The following SSH2 variants were observed in gnomAD, a reference collection of about 807,000 sequenced individuals.
SSH2 encodes protein phosphatase Slingshot homolog 2.
A neutral mutation model predicts 135.2 loss-of-function variants in SSH2; 37 were observed. That is an observed-to-expected ratio of 0.27 (90% CI 0.21 to 0.36). SSH2 has a LOEUF of 0.36. SSH2 is among the 10% of genes least tolerant of loss of function. The pLI is 1.00. For synonymous variants in SSH2, 628 were observed against 646.2 expected, an observed-to-expected ratio of 0.97 and a Z score of 0.43; for missense variants, 1,408 against 1,765.3, an observed-to-expected ratio of 0.80 and a Z score of 3.63.
rs1452110335 is a variant in SSH2, at chr17:29,809,268, T to C, written c.145-15331A>G. Among the ~76,000 whole-genome samples the C allele has an allele frequency of 2.6e-5, 4 of 152,030 alleles. No individual in the cohort carries two copies. In the East Asian group the frequency reaches 7.7e-4, roughly 29 times the overall value. The stretch of plus-strand genomic sequence containing the variant: ...GACTCTGTCTCTAAATAAATAAATA[T>C]GCAAAAGCAATCCTATTTAGTAGCT... On this transcript the variant is annotated intron_variant, in intron 2 of 15. Transcript: ENST00000540801.
intron 1 of SSH2, among the ~76,000 whole-genome samples, chr17:29,888,621 A>T (rs1322372894): frequency 6.6e-6 from 1 of 152,104 alleles, no homozygotes; most frequent in East Asian, 1.9e-4. Context: ...AACCATACAA[A>T]CAGTAGAAAA....
intron 1 of SSH2, among the ~76,000 whole-genome samples, chr17:29,881,255 T>C (rs911147908): frequency 6.6e-6 from 1 of 152,204 alleles, no homozygotes; most frequent in Non-Finnish European, 1.5e-5. Flanking sequence ...CCAGCATCTA[T>C]ACATATGTGA....
At chr17:29,734,067 C>T (rs963495184) in intron 3 of SSH2, among the ~76,000 whole-genome samples, 1 of 151,934 alleles carries the variant, frequency 6.6e-6, no homozygotes, top group African/African-American at 2.4e-5. Flanking sequence ...TACAGGCGCC[C>T]GCCACCATGC....
intron 5 of SSH2, among the ~76,000 whole-genome samples, chr17:29,693,313 CATT>C (rs1029382263): frequency 6.6e-6 from 1 of 151,198 alleles, no homozygotes; most frequent in Non-Finnish European, 1.5e-5. Context: ...ATAATAATAA[CATT>C]ATTATTATTT....
intron 3 of SSH2, among the ~76,000 whole-genome samples, chr17:29,775,451 A>G (rs1263912962): frequency 2.0e-5 from 3 of 152,100 alleles, no homozygotes; most frequent in South Asian, 2.1e-4. Flanking sequence ...TATTCACCAA[A>G]TTAATATACA....
intron 2 of SSH2, among the ~76,000 whole-genome samples, chr17:29,824,413 C>T (rs780208439): frequency 7.6e-4 from 115 of 152,286 alleles, no homozygotes; most frequent in Non-Finnish European, 1.4e-3. Context: ...CTGAGAAAAA[C>T]AGACCCTCCC....
intron 11 of SSH2, among the ~76,000 whole-genome samples, chr17:29,664,102 C>T (rs2037169504): frequency 6.6e-6 from 1 of 152,150 alleles, no homozygotes; most frequent in African/African-American, 2.4e-5. Flanking sequence ...AAGATTGGGG[C>T]TGGGCGCGAT....
At chr17:29,897,670 A>G (rs1244956338) in intron 1 of SSH2, among the ~76,000 whole-genome samples, 1 of 152,124 alleles carries the variant, frequency 6.6e-6, no homozygotes, top group East Asian at 1.9e-4. Flanking sequence ...CTTCCACACA[A>G]TAATAATGGG....
At chr17:29,845,154 G>A (rs1437776078) in intron 2 of SSH2, among the ~76,000 whole-genome samples, 1 of 152,190 alleles carries the variant, frequency 6.6e-6, no homozygotes, top group African/African-American at 2.4e-5. Flanking sequence ...AAATTGAAGA[G>A]AAAGTTCTTC....
intron 5 of SSH2, among the ~76,000 whole-genome samples, chr17:29,688,449 A>G (rs2038322238): frequency 6.6e-6 from 1 of 152,198 alleles, no homozygotes; most frequent in Non-Finnish European, 1.5e-5. Flanking sequence ...AGGCTTGAAT[A>G]ACATGCATAT....
chr17:29,865,333 G>A (rs1034446395), intron 1 of SSH2, among the ~76,000 whole-genome samples: 5 of 152,216 alleles, frequency 3.3e-5, no homozygotes, highest in African/African-American at 1.2e-4. Flanking sequence ...AGGGAAGAAA[G>A]AGAATCAGCA....
At position 29,672,084 on chromosome 17, in the gene SSH2, C is replaced by G. The variant is rs753403781; in HGVS notation, c.660G>C (p.Ala220=). ...SLHKACEVAR[A]HNYYPGSLFL... The stretch of plus-strand genomic sequence containing the variant: ...ATAGGCTGCCTGGGTAGTAGTTATG[C>G]GCTCTGGCGACTTCACAAGCCTTGT... The change falls in exon 9 of 16, where the codon GCG becomes GCC. Residue 220 remains alanine (A), a synonymous_variant. Transcript: ENST00000540801. 2 of 1,613,966 alleles carry G rather than the reference C, an allele frequency of 1.2e-6. No individual in the cohort carries two copies. Among genetic ancestry groups the G allele is most frequent in the African/African-American group, 2.7e-5 (2 of 74,900 alleles).
intron 1 of SSH2, among the ~76,000 whole-genome samples, chr17:29,886,568 G>A (rs996288154): frequency 2.0e-5 from 3 of 151,918 alleles, no homozygotes; most frequent in Admixed American, 1.3e-4. Flanking sequence ...CCAATATGGT[G>A]AAACTCTGTC....
intron 2 of SSH2, among the ~76,000 whole-genome samples, chr17:29,819,606 C>G (rs1386273102): frequency 2.0e-5 from 3 of 152,136 alleles, no homozygotes; most frequent in Non-Finnish European, 4.4e-5. Context: ...AAAAACTAAG[C>G]TTTGAAGAAA....
chr17:29,648,188 G>C lies in SSH2; in HGVS notation c.1383C>G (p.Ser461Arg). ...GATACTCTTCCAGTTGTCTCATGAA[G>C]CTTGGGTTGGGCTTGGTTACCGTTC... ...ERRTVTKPNP[S>R]FMRQLEEYQG... The change falls in exon 14 of 16, where the codon AGC (serine) becomes AGG (arginine). Residue 461 changes from serine to arginine, a missense_variant. Ser to Arg is a moderately radical substitution (Grantham distance 110). Around this residue, in one of 3 missense-constraint regions of SSH2, gnomAD observed 106 missense variants for 265.2 expected, o/e 0.40. Transcript: ENST00000540801. The C allele has an allele frequency of 6.2e-7, 1 of 1,614,154 alleles. No homozygotes were observed.
intron 2 of SSH2, among the ~76,000 whole-genome samples, chr17:29,846,747 A>G (rs530803240): frequency 6.6e-6 from 1 of 152,378 alleles, no homozygotes; most frequent in Non-Finnish European, 1.5e-5. Flanking sequence ...AAGTGCAGGT[A>G]GTAATATGGT....
intron 1 of SSH2, among the ~76,000 whole-genome samples, chr17:29,917,464 T>A (rs1465565228): frequency 6.6e-6 from 1 of 152,176 alleles, no homozygotes; most frequent in Non-Finnish European, 1.5e-5. Flanking sequence ...TCCCCACCAG[T>A]CTTGTAAATT....
chr17:29,770,094 T>TG (rs1254443562), intron 3 of SSH2, among the ~76,000 whole-genome samples: 1 of 99,278 alleles, frequency 1.0e-5, no homozygotes, highest in African/African-American at 3.9e-5. Flanking sequence ...TATATTTAGT[T>TG]TTTTTTTTTT....
Position 29,671,939 on chromosome 17 carries a change from C to T in SSH2, c.805G>A (p.Asp269Asn), listed in dbSNP as rs755700499. 7 of 1,611,420 alleles carry T rather than the reference C, an allele frequency of 4.3e-6. No homozygotes were observed. Among genetic ancestry groups the T allele is most frequent in the Non-Finnish European group, 5.1e-6 (6 of 1,178,246 alleles). ...ATCCTTAGCAAACTGACTTACATGT[C>T]GGTGAAGAGAGCTGGAGAGTCGGGC... ...HRPDSPALFT[D>N]IPTERERTER... Residue 269 changes from aspartate (D) to asparagine (N), a missense_variant, in exon 9 of 16, where the codon GAC becomes AAC. Coordinates refer to ENST00000540801, the MANE Select transcript of SSH2 (RefSeq NM_001282129.2).
Sources: gnomAD v4.1 joint callset for allele counts (sites outside exome capture counted in the v4.1 genomes callset) on GRCh38, gnomAD v4.1.1 for gene constraint, gnomAD v4.1.1 regional missense constraint, MANE v1.5 for transcripts, NCBI Gene and HGNC (gene_info 2026-07-23, HGNC 2026-07-21) for gene names.